PPP1R12A: variants seen among roughly 807,000 people sequenced by gnomAD.
PPP1R12A encodes the protein protein phosphatase 1 regulatory subunit 12A, also known as myosin binding subunit.
Under a neutral mutation model 139.6 loss-of-function variants are expected in PPP1R12A, and 19 were observed. The observed-to-expected ratio is 0.14, with a 90% CI of 0.09 to 0.20. PPP1R12A has a LOEUF of 0.20. Among genes scored for constraint, PPP1R12A ranks in the 10% least tolerant of loss-of-function variants. PPP1R12A has a pLI of 1.00. For synonymous variants in PPP1R12A, 427 were observed against 420.6 expected (o/e 1.02, Z -0.19); for missense variants, 925 against 1,211.5 (o/e 0.76, Z 3.51).
intron 1 of PPP1R12A, among the ~76,000 whole-genome samples, chr12:79,933,110 T>G (rs887048445): frequency 2.6e-5 from 4 of 152,218 alleles, no homozygotes; most frequent in Admixed American, 2.0e-4. Context: ...ATGATATGCC[T>G]TAAATAAACT....
intron 2 of PPP1R12A, among the ~76,000 whole-genome samples, chr12:79,858,024 A>G (rs937495141): frequency 3.9e-5 from 6 of 152,188 alleles, no homozygotes; most frequent in African/African-American, 1.4e-4. Context: ...TAAAATTTTA[A>G]TATTTTCCTA....
rs377029140 is a variant in PPP1R12A, at chr12:79,861,598, A to G, written c.368+11210T>C. Among the ~76,000 whole-genome samples the G allele has an allele frequency of 8.8e-4, 134 of 151,934 alleles. 3 individuals carry two copies. The highest frequency in any genetic ancestry group is 3.1e-3 in the African/African-American group (127 of 41,426). On this transcript the variant is annotated intron_variant, in intron 2 of 24. Coordinates refer to ENST00000450142, the MANE Select transcript of PPP1R12A (RefSeq NM_002480.3). ...GTGACCGTACCTGGAGGAGCAGTAT[A>G]CTCCTGCCCAAATACTGCACTTCTC... is the stretch of plus-strand genomic sequence containing the variant.
At chr12:79,869,559 T>C (rs1882342159) in intron 2 of PPP1R12A, among the ~76,000 whole-genome samples, 1 of 152,176 alleles carries the variant, frequency 6.6e-6, no homozygotes, top group African/African-American at 2.4e-5. Context: ...GAGAGTCTGG[T>C]AGAAGCTGCT....
At chr12:79,876,394 T>C (rs1003130984) in intron 1 of PPP1R12A, among the ~76,000 whole-genome samples, 1 of 152,178 alleles carries the variant, frequency 6.6e-6, no homozygotes, top group African/African-American at 2.4e-5. Flanking sequence ...CCTTGAGTTC[T>C]TGGGCTCAAT....
chr12:79,827,215 G>A (rs1160006754), intron 5 of PPP1R12A, among the ~76,000 whole-genome samples: 1 of 151,956 alleles, frequency 6.6e-6, no homozygotes, highest in Non-Finnish European at 1.5e-5. Flanking sequence ...TTTTGTATTT[G>A]TATATAAGTA....
rs143533901 is a variant in PPP1R12A, at chr12:79,826,976, G to A, written c.792+1344C>T. ...AGAGAAGAATGCAGACCAGAGTTCA[G>A]AGGCTAATAGGTACCTGCTAATCTT... On this transcript the variant is annotated intron_variant, in intron 5 of 24. Transcript: ENST00000450142. 3.2e-4 allele frequency among the ~76,000 whole-genome samples: 48 copies of A among 152,290 alleles called. No homozygotes were observed. The East Asian group carries it at 8.9e-3, about 28-fold the overall frequency.
At chr12:79,905,786 T>A (rs61952069) in intron 1 of PPP1R12A, among the ~76,000 whole-genome samples, 97 of 152,320 alleles carry the variant, frequency 6.4e-4, no homozygotes, top group Non-Finnish European at 1.2e-3. Flanking sequence ...CATGCATTTT[T>A]AAAATTTATA....
intron 2 of PPP1R12A, among the ~76,000 whole-genome samples, chr12:79,847,003 T>C (rs1047873705): frequency 2.6e-5 from 4 of 152,114 alleles, no homozygotes; most frequent in Non-Finnish European, 4.4e-5. Flanking sequence ...ACTTCGACTA[T>C]ATAAAAATAT....
intron 14 of PPP1R12A, 89 bp from the exon 15 acceptor site, chr12:79,798,673 G>C: frequency 1.7e-6 from 1 of 598,104 alleles, no homozygotes; most frequent in South Asian, 4.7e-5. Flanking sequence ...AAACATACAG[G>C]TTTAATATCT....
intron 2 of PPP1R12A, among the ~76,000 whole-genome samples, chr12:79,867,655 A>G (rs1236264944): frequency 1.3e-5 from 2 of 152,132 alleles, no homozygotes; most frequent in Non-Finnish European, 2.9e-5. Context: ...TACTGAGGTA[A>G]TATGGTTTGG....
intron 20 of PPP1R12A, chr12:79,789,590 C>T (rs1871547528): frequency 2.3e-6 from 1 of 440,578 alleles, no homozygotes; most frequent in Non-Finnish European, 4.5e-6. Flanking sequence ...TTCTGAAATT[C>T]AGGTTACCTT....
intron 2 of PPP1R12A, among the ~76,000 whole-genome samples, chr12:79,853,076 T>C (rs189936993): frequency 6.6e-6 from 1 of 152,300 alleles, no homozygotes. Flanking sequence ...GGAGGAGGTG[T>C]TAGGGTGCCT....
At chr12:79,866,593 C>T in intron 2 of PPP1R12A, among the ~76,000 whole-genome samples, 1 of 152,162 alleles carries the variant, frequency 6.6e-6, no homozygotes, top group South Asian at 2.1e-4. Flanking sequence ...GGCTAATACC[C>T]AGAATCTACA....
At chr12:79,810,058 T>C in intron 9 of PPP1R12A, 48 bp from the exon 10 acceptor site, 1 of 1,363,038 alleles carries the variant, frequency 7.3e-7, no homozygotes, top group Non-Finnish European at 1.0e-6. Context: ...TTTGTAAAGC[T>C]GATCAGTCCT....
chr12:79,897,709 C>A (rs1885258480), intron 1 of PPP1R12A, among the ~76,000 whole-genome samples: 2 of 152,080 alleles, frequency 1.3e-5, no homozygotes, highest in Admixed American at 6.6e-5. Flanking sequence ...AACGTGGTAC[C>A]ACATCCTGCA....
At chr12:79,806,421 G>C (rs1462938781) in intron 12 of PPP1R12A, 88 bp from the exon 13 acceptor site, 3 of 1,271,914 alleles carry the variant, frequency 2.4e-6, no homozygotes, top group Non-Finnish European at 3.2e-6. Context: ...TACAAGGCTA[G>C]AAAAAAAATT....
intron 19 of PPP1R12A, among the ~76,000 whole-genome samples, chr12:79,791,075 A>C (rs921579902): frequency 2.0e-5 from 3 of 152,160 alleles, no homozygotes; most frequent in Non-Finnish European, 4.4e-5. Flanking sequence ...TTTTAAGGTA[A>C]TGTTTTCTTT....
intron 1 of PPP1R12A, among the ~76,000 whole-genome samples, chr12:79,926,289 G>A (rs946844201): frequency 1.4e-4 from 21 of 152,160 alleles, no homozygotes; most frequent in African/African-American, 5.1e-4. Flanking sequence ...GGGTTCAGGC[G>A]ATTCTCGTGC....
chr12:79,935,244 C>T (rs748907657), upstream of PPP1R12A: 1 of 1,179,234 alleles, frequency 8.5e-7, no homozygotes. Flanking sequence ...GCGCATGCGC[C>T]CTGGGCCTGT....
Sources: allele counts gnomAD v4.1 joint callset (sites outside exome capture counted in the v4.1 genomes callset), GRCh38; gene constraint gnomAD v4.1.1; transcripts MANE v1.5; gene names NCBI Gene and HGNC (gene_info 2026-07-23, HGNC 2026-07-21).